DBF4B: variants seen among roughly 807,000 people sequenced by gnomAD.
DBF4B encodes protein DBF4 homolog B.
Under a neutral mutation model 53.4 loss-of-function variants are expected in DBF4B, and 49 were observed. The ratio of observed to expected loss-of-function variants is 0.92; its 90% CI spans 0.73 to 1.16. DBF4B has a LOEUF of 1.16. DBF4B is among the 50% of genes most tolerant of loss of function. The pLI, the probability that DBF4B is intolerant of heterozygous loss-of-function variation, is 0.00. For synonymous variants in DBF4B, 257 were observed against 288.7 expected (o/e 0.89, Z 1.11); for missense variants, 692 against 775.0 (o/e 0.89, Z 1.27).
At position 44,749,080 on chromosome 17, in the gene DBF4B, G is replaced by A. The variant is rs1193434021; in HGVS notation, c.1189+615G>A. The A allele has an allele frequency of 6.2e-6, 8 of 1,289,798 alleles. No individual in the cohort carries two copies. Among genetic ancestry groups the A allele is most frequent in the Non-Finnish European group, 8.1e-6 (8 of 988,848 alleles). The allele number at this position is 1,289,798 out of a possible 1,614,324, so 79.9% of individuals were successfully genotyped here. A position where few individuals can be genotyped will look rare whatever the true frequency, so the allele number is the denominator to read the frequency against. Reference sequence around the variant, plus strand: ...GCTCCTCAGCTGCCCCACAGCTCCAGGCTGGCCATCAGCTCCCCTGTACTC... The same window carrying A: ...GCTCCTCAGCTGCCCCACAGCTCCAAGCTGGCCATCAGCTCCCCTGTACTC... On this transcript the variant is annotated intron_variant, in intron 13 of 13. Coordinates refer to ENST00000315005, the MANE Select transcript of DBF4B (RefSeq NM_145663.3). The surrounding 1 kb of genome is among the most constrained non-coding windows in gnomAD (Gnocchi z 4.4).
chr17:44,708,936 C>A, intron 1 of DBF4B, 97 bp downstream of exon 1: 4 of 1,491,412 alleles, frequency 2.7e-6, no homozygotes, highest in Non-Finnish European at 3.6e-6. Context: ...AAGTGACCAG[C>A]GGGTAGGTGC....
intron 10 of DBF4B, among the ~76,000 whole-genome samples, chr17:44,745,986 T>G (rs1287923105): frequency 6.8e-6 from 1 of 146,586 alleles, no homozygotes; most frequent in Non-Finnish European, 1.5e-5. Flanking sequence ...GGTGGGCAGA[T>G]CACCTGAGGT....
At chr17:44,725,078 T>C (rs1974186570) in intron 3 of DBF4B, among the ~76,000 whole-genome samples, 1 of 140,992 alleles carries the variant, frequency 7.1e-6, no homozygotes, top group African/African-American at 2.7e-5. Flanking sequence ...ATCACGCCAT[T>C]GCACTCCAGC....
rs2049257177 is a variant in DBF4B, at chr17:44,750,626, A to G, written c.1221A>G (p.Arg407=). ...AAGGCAGGGCTGCGGGCCAGCAGCG[A>G]TGGACAGAATCACTAGATGGTGTGA... is the stretch of plus-strand genomic sequence containing the variant. ...VTQGRAAGQQ[R]WTESLDGVMG... is the part of the protein sequence containing the mutation. Residue 407 remains arginine, a synonymous_variant, in exon 14 of 14, where the codon CGA becomes CGG. Transcript: ENST00000315005. The G allele has an allele frequency of 1.2e-6, 2 of 1,613,556 alleles. No homozygotes were observed. The highest frequency in any genetic ancestry group is 8.5e-7 in the Non-Finnish European group (1 of 1,179,846).
intron 3 of DBF4B, among the ~76,000 whole-genome samples, 181 bp from the exon 4 acceptor site, chr17:44,729,723 CA>C (rs1568177370): frequency 1.4e-4 from 20 of 145,514 alleles, no homozygotes; most frequent in African/African-American, 4.0e-4. Flanking sequence ...CACACACACA[CA>C]CACCCCATTA....
At chr17:44,744,229 T>A (rs979078298) in intron 10 of DBF4B, among the ~76,000 whole-genome samples, 1 of 151,904 alleles carries the variant, frequency 6.6e-6, no homozygotes, top group African/African-American at 2.4e-5. Flanking sequence ...CTGAGCAACA[T>A]GGTGAAACCC....
chr17:44,718,472 G>T (rs1973531522), intron 2 of DBF4B, among the ~76,000 whole-genome samples: 1 of 150,060 alleles, frequency 6.7e-6, no homozygotes, highest in Admixed American at 6.7e-5. Context: ...TATCTCGTTA[G>T]TCTCCTCCTG....
intron 2 of DBF4B, chr17:44,720,530 A>G (rs2906783): frequency 0.56 from 102,583 of 182,984 alleles, 30,432 homozygotes; most frequent in African/African-American, 0.77. Context: ...CTTGCCACCA[A>G]CATCAGCTTT....
intron 12 of DBF4B, 133 bp downstream of exon 12, chr17:44,747,648 C>T: frequency 8.0e-7 from 1 of 1,257,588 alleles, no homozygotes; most frequent in Non-Finnish European, 1.1e-6. Context: ...CTTCCTTTCC[C>T]CTTATCCTCA....
chr17:44,731,754 T>C (rs960338624), intron 5 of DBF4B: 1 of 164,844 alleles, frequency 6.1e-6, no homozygotes, highest in African/African-American at 2.4e-5. Flanking sequence ...ATGGGGGAGG[T>C]GGTGCTGCTG....
Position 44,732,210 on chromosome 17 carries a change from C to T in DBF4B, c.501C>T (p.Ser167=). Residue 167 remains serine (S), a synonymous_variant, in exon 6 of 14, where the codon AGC becomes AGT. Transcript: ENST00000315005. The stretch of plus-strand genomic sequence containing the variant: ...TCAGTGGAGGAGGCAGTGGGGGCAG[C>T]AGCAGCCTCCTGACCAATGCCCGCT... ...GSISGGGSGG[S]SSLLTNARSW... is the part of the protein sequence containing the mutation. The T allele has an allele frequency of 6.2e-7, 1 of 1,614,130 alleles. No homozygotes were observed. Among genetic ancestry groups the T allele is most frequent in the African/African-American group, 1.3e-5 (1 of 75,050 alleles).
intron 13 of DBF4B, 153 bp from the exon 14 acceptor site, chr17:44,750,440 CTA>C: frequency 2.0e-6 from 2 of 985,422 alleles, no homozygotes; most frequent in Non-Finnish European, 2.4e-6. Flanking sequence ...AATAGAGCAA[CTA>C]TGTGTACAGC....
At chr17:44,747,607 A>G in intron 12 of DBF4B, 92 bp downstream of exon 12, 1 of 1,504,254 alleles carries the variant, frequency 6.6e-7, no homozygotes, top group Non-Finnish European at 9.0e-7. Flanking sequence ...GGCTGCTGGG[A>G]CCAGACTGTG....
At chr17:44,725,746 G>A (rs1213255073) in intron 3 of DBF4B, among the ~76,000 whole-genome samples, 1 of 143,346 alleles carries the variant, frequency 7.0e-6, no homozygotes, top group Non-Finnish European at 1.5e-5. Flanking sequence ...GAATGCAGGA[G>A]CGCGGTCATG....
At chr17:44,740,963 G>A (rs1009384731) in intron 9 of DBF4B, among the ~76,000 whole-genome samples, 9 of 152,004 alleles carry the variant, frequency 5.9e-5, no homozygotes, top group African/African-American at 1.2e-4. Context: ...GTGAAACCCC[G>A]TCTCTACTAA....
At chr17:44,713,034 C>CTTT (rs979925867) in intron 2 of DBF4B, among the ~76,000 whole-genome samples, 109 of 103,872 alleles carry the variant, frequency 1.0e-3, no homozygotes, top group African/African-American at 1.7e-3. Context: ...TTTGTATTGA[C>CTTT]TTTTTTTTTT....
intron 2 of DBF4B, among the ~76,000 whole-genome samples, chr17:44,715,362 AT>A (rs571804005): frequency 1.4e-3 from 218 of 152,006 alleles, no homozygotes; most frequent in African/African-American, 4.9e-3. Context: ...CACCTGGCTA[AT>A]TTTTTGTATT....
intron 10 of DBF4B, among the ~76,000 whole-genome samples, chr17:44,745,246 A>AAC (rs1182043440): frequency 6.6e-6 from 1 of 152,132 alleles, no homozygotes; most frequent in African/African-American, 2.4e-5. Context: ...TAAATAAATC[A>AAC]ATATATATAT....
At chr17:44,741,780 GGC>G (rs1489528677) in intron 10 of DBF4B, among the ~76,000 whole-genome samples, 1 of 152,098 alleles carries the variant, frequency 6.6e-6, no homozygotes, top group Non-Finnish European at 1.5e-5. Context: ...CAGAACCCCT[GGC>G]CTGCACTGTT....
Sources: allele counts gnomAD v4.1 joint callset (sites outside exome capture counted in the v4.1 genomes callset), GRCh38; gene constraint gnomAD v4.1.1; non-coding constraint Gnocchi (gnomAD v3.1); transcripts MANE v1.5; gene names NCBI Gene and HGNC (gene_info 2026-07-23, HGNC 2026-07-21).